The following ZMAT1 variants were observed in gnomAD, a reference collection of about 807,000 sequenced individuals.
The protein encoded by ZMAT1 is zinc finger matrin-type protein 1.
ZMAT1 carries 11 observed loss-of-function variants against 18.5 expected under a neutral mutation model. The ratio of observed to expected loss-of-function variants is 0.59; its 90% CI spans 0.37 to 0.98. The LOEUF is 0.98. Ranked by LOEUF, ZMAT1 falls within the 50% of genes least tolerant of loss-of-function variation. The pLI is 0.01. For missense variants in ZMAT1, 525 were observed against 496.2 expected (o/e 1.06, Z -0.55); for synonymous variants, 211 against 176.4 (o/e 1.20, Z -1.55).
intron 1 of ZMAT1, among the ~76,000 whole-genome samples, chrX:101,929,315 G>T (rs1930265828): frequency 9.4e-6 from 1 of 106,707 alleles, no homozygotes; most frequent in Non-Finnish European, 1.9e-5. Context: ...ACAAGCAAAA[G>T]ATATTGGCAC....
intron 1 of ZMAT1, among the ~76,000 whole-genome samples, chrX:101,906,347 C>T (rs1928621411): frequency 9.0e-6 from 1 of 111,674 alleles, no homozygotes; most frequent in African/African-American, 3.3e-5. Context: ...AGGCCAGGGT[C>T]AGCTCCAGCA....
intron 1 of ZMAT1, among the ~76,000 whole-genome samples, chrX:101,918,057 G>A (rs1929454720): frequency 9.0e-6 from 1 of 111,674 alleles, no homozygotes; most frequent in African/African-American, 3.3e-5. Context: ...GGGGGTTGGT[G>A]GTGAGGTAGA....
chrX:101,887,413 G>T (rs561704418), intron 4 of ZMAT1: 3 of 205,284 alleles, frequency 1.5e-5, no homozygotes, highest in African/African-American at 6.1e-5. Flanking sequence ...TAGAAGCAAG[G>T]GATACATTAA....
intron 4 of ZMAT1, chrX:101,895,008 T>C: frequency 2.8e-6 from 1 of 359,115 alleles, no homozygotes; most frequent in Non-Finnish European, 3.6e-6. Context: ...CACTCTTAGC[T>C]CCAAGCCCTT....
intron 1 of ZMAT1, among the ~76,000 whole-genome samples, chrX:101,914,811 G>T (rs1321545246): frequency 9.0e-6 from 1 of 111,292 alleles, no homozygotes; most frequent in East Asian, 2.8e-4. Flanking sequence ...AAACAGAGGA[G>T]GAAGCAATAC....
chrX:101,903,198 T>G (rs1188940113), intron 2 of ZMAT1, among the ~76,000 whole-genome samples: 1 of 111,646 alleles, frequency 9.0e-6, no homozygotes, highest in African/African-American at 3.3e-5. Flanking sequence ...TCTAAAGATG[T>G]GCTAGGCACT....
chrX:101,902,778 T>C (rs980605590), intron 2 of ZMAT1, among the ~76,000 whole-genome samples: 5 of 111,711 alleles, frequency 4.5e-5, no homozygotes, highest in African/African-American at 1.6e-4. Context: ...TATAGAATGG[T>C]TTATTAAACA....
At chrX:101,907,558 C>A (rs866862669) in intron 1 of ZMAT1, among the ~76,000 whole-genome samples, 1 of 112,167 alleles carries the variant, frequency 8.9e-6, no homozygotes, top group Admixed American at 9.4e-5. Context: ...ATAGCACCAC[C>A]ACAAGAACAC....
At chrX:101,914,324 G>A (rs140844759) in intron 1 of ZMAT1, among the ~76,000 whole-genome samples, 2,830 of 109,748 alleles carry the variant, frequency 0.026, 41 homozygotes, top group Non-Finnish European at 0.039. Context: ...CAAATTAGTA[G>A]AACAAAAGAA....
chrX:101,894,875 G>A, intron 4 of ZMAT1: 5 of 752,456 alleles, frequency 6.6e-6, no homozygotes, highest in Non-Finnish European at 7.8e-6. Flanking sequence ...TATGAAAGGG[G>A]AATAAAATAC....
chrX:101,927,988 C>T (rs1930159774), intron 1 of ZMAT1, among the ~76,000 whole-genome samples: 1 of 111,891 alleles, frequency 8.9e-6, no homozygotes, highest in African/African-American at 3.3e-5. Context: ...CTGCCAAATG[C>T]AGATAATTAA....
At chrX:101,914,319 T>A (rs939659258) in intron 1 of ZMAT1, among the ~76,000 whole-genome samples, 1 of 110,048 alleles carries the variant, frequency 9.1e-6, no homozygotes, top group African/African-American at 3.3e-5. Flanking sequence ...ACCCCCAAAT[T>A]AGTAGAACAA....
chrX:101,930,153 A>G (rs1261927390), intron 1 of ZMAT1, among the ~76,000 whole-genome samples: 1 of 112,133 alleles, frequency 8.9e-6, no homozygotes. Context: ...CCAGGCAAAA[A>G]GCCATATTTT....
intron 4 of ZMAT1, among the ~76,000 whole-genome samples, chrX:101,890,762 T>C (rs958024122): frequency 3.6e-5 from 4 of 111,136 alleles, no homozygotes; most frequent in Middle Eastern, 4.6e-3. Flanking sequence ...AGAGATAATG[T>C]CTTAGCTAAA....
At chrX:101,886,560 A>G (rs1477214966) in intron 5 of ZMAT1, 72 bp downstream of exon 5, 1 of 732,799 alleles carries the variant, frequency 1.4e-6, no homozygotes, top group Non-Finnish European at 2.0e-6. Context: ...AGTTTGTAAA[A>G]TACATCAAAG....
chrX:101,931,677 G>A (rs1292081416), intron 1 of ZMAT1, 40 bp downstream of exon 1: 1 of 754,402 alleles, frequency 1.3e-6, no homozygotes, highest in Non-Finnish European at 1.6e-6. Flanking sequence ...AGGCAGCGAA[G>A]GAGATGGGGC....
At chrX:101,924,882 C>T (rs1418972433) in intron 1 of ZMAT1, among the ~76,000 whole-genome samples, 3 of 111,763 alleles carry the variant, frequency 2.7e-5, no homozygotes, top group Admixed American at 9.5e-5. Context: ...ATGACCTATA[C>T]GTACAGAGTT....
At chrX:101,907,101 C>T (rs963561036) in intron 1 of ZMAT1, among the ~76,000 whole-genome samples, 6 of 112,152 alleles carry the variant, frequency 5.3e-5, no homozygotes, top group Non-Finnish European at 9.4e-5. Flanking sequence ...CCTCCATGGA[C>T]TCAAGCTCCA....
Position 101,892,306 on chromosome X carries a change from C to A in ZMAT1, c.676+5562G>T, listed in dbSNP as rs558562371. Among the ~76,000 whole-genome samples the A allele has an allele frequency of 2.7e-5, 3 of 111,125 alleles. No homozygotes were observed. The South Asian group carries it at 1.1e-3, about 42-fold the overall frequency. On this transcript the variant is annotated intron_variant, in intron 4 of 5. Coordinates refer to ENST00000651725, the MANE Select transcript of ZMAT1 (RefSeq NM_001394560.1). ...GGTGGAACTGATCCAGGGTTGAAAT[C>A]CTGCTACTAGGGAGTGAGAGAATAA... is the stretch of plus-strand genomic sequence containing the variant.
Sources: gnomAD v4.1 joint callset for allele counts (sites outside exome capture counted in the v4.1 genomes callset) on GRCh38, gnomAD v4.1.1 for gene constraint, MANE v1.5 for transcripts, NCBI Gene and HGNC (gene_info 2026-07-23, HGNC 2026-07-21) for gene names.